NELL1: variants seen among roughly 807,000 people sequenced by gnomAD.
The protein encoded by NELL1 is protein kinase C-binding protein NELL1.
A neutral mutation model predicts 107.4 loss-of-function variants in NELL1; 76 were observed. That is an observed-to-expected ratio of 0.71 (90% CI 0.59 to 0.86). NELL1 has a LOEUF of 0.86. Among genes scored for constraint, NELL1 ranks in the 40% least tolerant of loss-of-function variants. The pLI is 0.00. For missense variants in NELL1, 1,024 were observed against 1,005.5 expected (o/e 1.02, Z -0.25); for synonymous variants, 353 against 341.2 (o/e 1.03, Z -0.38).
Position 21,289,814 on chromosome 11 carries a change from C to T in NELL1, c.1549+60360C>T, listed in dbSNP as rs538011079. ...TGCTTGAGCTTGGTGGAGGGAGGGG[C>T]ATCCGCCATTACTGAGGCTTGAGTA... On this transcript the variant is annotated intron_variant, in intron 14 of 19. Coordinates refer to ENST00000357134, the MANE Select transcript of NELL1 (RefSeq NM_006157.5). 1.4e-3 allele frequency among the ~76,000 whole-genome samples: 206 copies of T among 152,274 alleles called. 1 individual carries two copies. Among genetic ancestry groups the T allele is most frequent in the African/African-American group, 4.6e-3 (190 of 41,560 alleles).
At chr11:20,961,004 T>C (rs969350952) in intron 12 of NELL1, among the ~76,000 whole-genome samples, 10 of 152,218 alleles carry the variant, frequency 6.6e-5, no homozygotes, top group Non-Finnish European at 1.5e-4. Context: ...ATCAGGTTTT[T>C]ATTCTTTTTA....
intron 12 of NELL1, among the ~76,000 whole-genome samples, chr11:20,968,054 A>G (rs998897575): frequency 1.3e-5 from 2 of 152,114 alleles, no homozygotes; most frequent in Non-Finnish European, 2.9e-5. Context: ...CTTGTTCAAT[A>G]TGTAGTTCAA....
intron 12 of NELL1, among the ~76,000 whole-genome samples, chr11:21,071,301 A>G (rs1854007993): frequency 6.6e-6 from 1 of 152,184 alleles, no homozygotes; most frequent in African/African-American, 2.4e-5. Context: ...CAGTAACTCC[A>G]GTGCCCATAG....
At chr11:21,275,463 C>A (rs1848833969) in intron 14 of NELL1, among the ~76,000 whole-genome samples, 1 of 152,220 alleles carries the variant, frequency 6.6e-6, no homozygotes, top group East Asian at 1.9e-4. Context: ...CCGAATTCTA[C>A]CAGAGGTACA....
chr11:21,426,178 G>C (rs1852817211), intron 15 of NELL1, among the ~76,000 whole-genome samples: 1 of 152,116 alleles, frequency 6.6e-6, no homozygotes, highest in Non-Finnish European at 1.5e-5. Context: ...CACTGGACTT[G>C]ACACATATTA....
chr11:20,953,816 A>G (rs897105529), intron 11 of NELL1, among the ~76,000 whole-genome samples: 1 of 152,192 alleles, frequency 6.6e-6, no homozygotes, highest in African/African-American at 2.4e-5. Context: ...TTCTCTGCAT[A>G]CATTCCTAGA....
At chr11:20,936,587 C>A (rs2134183827) in intron 9 of NELL1, among the ~76,000 whole-genome samples, 1 of 152,310 alleles carries the variant, frequency 6.6e-6, no homozygotes, top group Non-Finnish European at 1.5e-5. Context: ...GGTTCTTTAT[C>A]TGCAAACACA....
chr11:21,034,241 T>A (rs1158196058), intron 12 of NELL1, among the ~76,000 whole-genome samples: 1 of 152,192 alleles, frequency 6.6e-6, no homozygotes. Context: ...TTCCCAGTTA[T>A]CCAGCACCAT....
intron 13 of NELL1, among the ~76,000 whole-genome samples, chr11:21,174,702 G>C (rs1196301351): frequency 6.6e-6 from 1 of 151,646 alleles, no homozygotes; most frequent in Non-Finnish European, 1.5e-5. Flanking sequence ...ACTATTCTTA[G>C]TCATTTTTGT....
intron 15 of NELL1, among the ~76,000 whole-genome samples, chr11:21,474,299 A>G (rs1388199662): frequency 1.3e-5 from 2 of 151,946 alleles, no homozygotes; most frequent in Non-Finnish European, 2.9e-5. Flanking sequence ...CTCTCTTTTA[A>G]TAGAGTCTTC....
intron 14 of NELL1, among the ~76,000 whole-genome samples, chr11:21,258,894 T>G (rs1439835042): frequency 6.6e-6 from 1 of 151,916 alleles, no homozygotes; most frequent in Non-Finnish European, 1.5e-5. Flanking sequence ...GCCATAATTA[T>G]TACTAATGGA....
At chr11:21,569,318 TTC>T (rs1486463476) in intron 17 of NELL1, among the ~76,000 whole-genome samples, 2 of 151,956 alleles carry the variant, frequency 1.3e-5, no homozygotes, top group Non-Finnish European at 2.9e-5. Context: ...TTCTATTTAG[TTC>T]TCTCTCAGCT....
intron 13 of NELL1, among the ~76,000 whole-genome samples, chr11:21,119,857 C>T (rs767479781): frequency 5.9e-5 from 9 of 152,018 alleles, no homozygotes; most frequent in Admixed American, 5.3e-4. Flanking sequence ...CTAAACTCCC[C>T]GTGTTTCTGG....
chr11:20,910,483 G>A (rs542019536), intron 5 of NELL1, among the ~76,000 whole-genome samples: 4 of 152,144 alleles, frequency 2.6e-5, no homozygotes, highest in Non-Finnish European at 4.4e-5. Context: ...TTCCGGCCCC[G>A]CACTCACCAC....
chr11:21,088,712 AT>A (rs1462944456), intron 12 of NELL1, among the ~76,000 whole-genome samples: 2 of 152,124 alleles, frequency 1.3e-5, no homozygotes, highest in African/African-American at 2.4e-5. Flanking sequence ...CTCACGTCTA[AT>A]TTTTTTAAAG....
intron 15 of NELL1, among the ~76,000 whole-genome samples, chr11:21,504,571 C>G (rs1197041208): frequency 6.6e-6 from 1 of 152,130 alleles, no homozygotes; most frequent in East Asian, 1.9e-4. Context: ...ATGCTTACCA[C>G]AATTTACCTA....
At chr11:20,911,841 TA>T (rs1332179371) in intron 5 of NELL1, among the ~76,000 whole-genome samples, 1 of 152,192 alleles carries the variant, frequency 6.6e-6, no homozygotes. Context: ...GCCATCCTTT[TA>T]TGAGAAGAAA....
intron 12 of NELL1, among the ~76,000 whole-genome samples, chr11:21,078,484 ATAAATC>A (rs1854192496): frequency 6.6e-6 from 1 of 152,178 alleles, no homozygotes; most frequent in South Asian, 2.1e-4. Flanking sequence ...AAAAGAAAAT[ATAAATC>A]TAAAGAGAAA....
At chr11:21,205,772 A>G (rs1360433353) in intron 13 of NELL1, among the ~76,000 whole-genome samples, 1 of 152,202 alleles carries the variant, frequency 6.6e-6, no homozygotes, top group Non-Finnish European at 1.5e-5. Context: ...TGTGCTTTAA[A>G]TATGGGGAAA....
Sources: gnomAD v4.1 joint callset for allele counts (sites outside exome capture counted in the v4.1 genomes callset) on GRCh38, gnomAD v4.1.1 for gene constraint, MANE v1.5 for transcripts, NCBI Gene and HGNC (gene_info 2026-07-23, HGNC 2026-07-21) for gene names.